Variants in ASPHD2 observed in about 807,000 individuals in gnomAD.
ASPHD2 encodes aspartate beta-hydroxylase domain containing 2.
In ASPHD2, 12 loss-of-function variants were observed where a neutral mutation model predicts 34.6. The observed-to-expected ratio is 0.35, with a 90% CI of 0.22 to 0.56. ASPHD2 has a LOEUF of 0.56. ASPHD2 is among the 20% of genes least tolerant of loss of function. ASPHD2 has a pLI of 0.87. For missense variants in ASPHD2, 375 were observed against 505.0 expected (o/e 0.74, Z 2.47); for synonymous variants, 224 against 212.2 (o/e 1.06, Z -0.48).
At chr22:26,441,501 G>C (rs77306188) in intron 2 of ASPHD2, among the ~76,000 whole-genome samples, 3 of 53,410 alleles carry the variant, frequency 5.6e-5, no homozygotes, top group East Asian at 5.4e-4. Flanking sequence ...AAAAAAAAAA[G>C]ATGTCAGGCC....
Position 26,431,575 on chromosome 22 carries a change from T to A in ASPHD2, c.-224-1817T>A, listed in dbSNP as rs880422. On this transcript the variant is annotated intron_variant, in intron 1 of 3. Coordinates refer to ENST00000215906, the MANE Select transcript of ASPHD2 (RefSeq NM_020437.5). ...AGTCAAGTGATTATTCAACCGAAAC[T>A]GGGAAAAAGCAAGTAGGCAGTTAAT... is the stretch of plus-strand genomic sequence containing the variant. Among the ~76,000 whole-genome samples the A allele has an allele frequency of 4.3e-3, 657 of 152,266 alleles. 12 individuals carry two copies. Among genetic ancestry groups the A allele is most frequent in the Admixed American group, 0.027 (418 of 15,298 alleles).
intron 2 of ASPHD2, among the ~76,000 whole-genome samples, chr22:26,439,371 C>G (rs2084821548): frequency 6.6e-6 from 1 of 152,136 alleles, no homozygotes; most frequent in Non-Finnish European, 1.5e-5. Context: ...TGCACTCCAG[C>G]CTGGGCGACA....
rs377498486 is a variant in ASPHD2 at position 26,433,055 on chromosome 22, A to G, written c.-224-337A>G. On this transcript the variant is annotated intron_variant, in intron 1 of 3. Transcript: ENST00000215906. This position sits in a 1 kb window ranked among gnomAD's most constrained non-coding sequence, Gnocchi z 5.1. ...GGGTAGACATGGGCCTTGAAGTCAG[A>G]TGGGGTTTGAGTCTCTGCCCTGGCT... Among the ~76,000 whole-genome samples the G allele has an allele frequency of 6.6e-6, 1 of 152,164 alleles. No individual in the cohort carries two copies. The highest frequency in any genetic ancestry group is 1.5e-5 in the Non-Finnish European group (1 of 68,026).
At chr22:26,438,608 CAT>C (rs35169865) in intron 2 of ASPHD2, among the ~76,000 whole-genome samples, 44,570 of 124,826 alleles carry the variant, frequency 0.36, 9,894 homozygotes, top group South Asian at 0.45. Context: ...CACATATATA[CAT>C]ATATATATAC....
intron 2 of ASPHD2, among the ~76,000 whole-genome samples, chr22:26,438,644 T>TATAC (rs2084815819): frequency 1.1e-5 from 1 of 94,470 alleles, no homozygotes; most frequent in Non-Finnish European, 2.1e-5. Context: ...CATATATATA[T>TATAC]ACACATACAT....
Position 26,433,693 on chromosome 22 carries a change from G to T in ASPHD2, c.78G>T (p.Lys26Asn), listed in dbSNP as rs369759521. ...ACACGCCCAGTAAGGACTCCCCCAA[G>T]ATGTCGCTCGAGTGGCTGGTGGCCT... ...LLHTPSKDSP[K>N]MSLEWLVAWS... is the part of the protein sequence containing the mutation. The change falls in exon 2 of 4, where the codon AAG becomes AAT. Residue 26 changes from lysine (K) to asparagine (N), a missense_variant. Transcript: ENST00000215906. This position sits in a 1 kb window ranked among gnomAD's most constrained non-coding sequence, Gnocchi z 5.1. 4 of 1,614,018 alleles carry T rather than the reference G, an allele frequency of 2.5e-6. No individual in the cohort carries two copies. In the African/African-American group the frequency reaches 5.3e-5, roughly 22 times the overall value.
chr22:26,439,398 C>T (rs547645220), intron 2 of ASPHD2, among the ~76,000 whole-genome samples: 1 of 151,418 alleles, frequency 6.6e-6, no homozygotes, highest in African/African-American at 2.4e-5. Context: ...GATTCTGTCT[C>T]AAAAAAAATA....
At chr22:26,430,054 G>C (rs1296250092) in intron 1 of ASPHD2, among the ~76,000 whole-genome samples, 1 of 152,162 alleles carries the variant, frequency 6.6e-6, no homozygotes, top group Non-Finnish European at 1.5e-5. Context: ...CCACTCTCCA[G>C]GGCAGGTGGG....
intron 2 of ASPHD2, among the ~76,000 whole-genome samples, chr22:26,438,441 A>G (rs935428953): frequency 1.1e-4 from 15 of 137,466 alleles, no homozygotes; most frequent in Admixed American, 3.0e-4. Context: ...ATACACACAT[A>G]CATATATATA....
At chr22:26,437,672 A>G (rs966175086) in intron 2 of ASPHD2, among the ~76,000 whole-genome samples, 5 of 152,112 alleles carry the variant, frequency 3.3e-5, no homozygotes, top group Non-Finnish European at 7.4e-5. Context: ...TCTTTTCTGC[A>G]TGTCATCAGA....
At chr22:26,437,762 C>T (rs1438974500) in intron 2 of ASPHD2, among the ~76,000 whole-genome samples, 1 of 152,182 alleles carries the variant, frequency 6.6e-6, no homozygotes, top group East Asian at 1.9e-4. Flanking sequence ...GGTTGCCAGC[C>T]GCCTGAAGTG....
intron 2 of ASPHD2, 103 bp from the exon 3 acceptor site, chr22:26,442,356 C>A: frequency 1.2e-6 from 1 of 836,622 alleles, no homozygotes; most frequent in South Asian, 1.7e-5. Flanking sequence ...AGGTCAGGTG[C>A]TTTAGAAGTC....
At chr22:26,431,796 G>A (rs1387259638) in intron 1 of ASPHD2, among the ~76,000 whole-genome samples, 1 of 152,162 alleles carries the variant, frequency 6.6e-6, no homozygotes, top group Non-Finnish European at 1.5e-5. Context: ...CCTAGCCGTC[G>A]CCTGCATATA....
chr22:26,438,059 G>T (rs1199249089), intron 2 of ASPHD2, among the ~76,000 whole-genome samples: 1 of 152,186 alleles, frequency 6.6e-6, no homozygotes, highest in Non-Finnish European at 1.5e-5. Context: ...AAGCCAGCAG[G>T]CCAGGCCATT....
intron 1 of ASPHD2, among the ~76,000 whole-genome samples, chr22:26,430,807 C>T (rs959761712): frequency 6.6e-6 from 1 of 152,170 alleles, no homozygotes; most frequent in East Asian, 1.9e-4. Flanking sequence ...TATTTATGAT[C>T]TCGGGAGGAG....
At chr22:26,436,652 G>A (rs1251802391) in intron 2 of ASPHD2, among the ~76,000 whole-genome samples, 3 of 152,190 alleles carry the variant, frequency 2.0e-5, no homozygotes, top group African/African-American at 7.2e-5. Flanking sequence ...GGGGAGTGAT[G>A]CTCTTCTTTT....
intron 2 of ASPHD2, among the ~76,000 whole-genome samples, chr22:26,435,001 G>C (rs926944358): frequency 1.3e-5 from 2 of 152,212 alleles, no homozygotes; most frequent in Admixed American, 1.3e-4. Flanking sequence ...AGTCATCAAG[G>C]ATGAAATGAT....
rs1384087130 is a variant in ASPHD2 at position 26,433,887 on chromosome 22, C to A, written c.272C>A (p.Ser91Tyr). ...EQPRPYVSVN[S>Y]LMQAADANGL... ...CCCCGGCCCTACGTCTCCGTCAACT[C>A]CCTCATGCAGGCTGCCGATGCCAAC... Residue 91 changes from serine (S) to tyrosine (Y), a missense_variant, in exon 2 of 4, where the codon TCC becomes TAC. Coordinates refer to ENST00000215906, the MANE Select transcript of ASPHD2 (RefSeq NM_020437.5). The surrounding 1 kb of genome is among the most constrained non-coding windows in gnomAD (Gnocchi z 5.1). 6.2e-7 allele frequency: 1 copy of A among 1,613,828 alleles called. No homozygotes were observed. The highest frequency in any genetic ancestry group is 8.5e-7 in the Non-Finnish European group (1 of 1,180,044).
rs569273870 is a variant in ASPHD2, at chr22:26,441,387, A to G, written c.887-1072A>G. 1.5e-4 allele frequency among the ~76,000 whole-genome samples: 22 copies of G among 150,260 alleles called. No individual in the cohort carries two copies. The South Asian group carries it at 4.0e-3, about 28-fold the overall frequency. On this transcript the variant is annotated intron_variant, in intron 2 of 3. Transcript: ENST00000215906. Reference sequence around the variant, plus strand: ...CAGCTACTCAAGAGGGTGAGGCTGGAGCATCTCTAGAGCCTAGGAGGTGAA... The same window carrying G: ...CAGCTACTCAAGAGGGTGAGGCTGGGGCATCTCTAGAGCCTAGGAGGTGAA...
Sources: allele counts gnomAD v4.1 joint callset (sites outside exome capture counted in the v4.1 genomes callset), GRCh38; gene constraint gnomAD v4.1.1; non-coding constraint Gnocchi (gnomAD v3.1); transcripts MANE v1.5; gene names NCBI Gene and HGNC (gene_info 2026-07-23, HGNC 2026-07-21).